Variants in ZNF704 observed in about 807,000 individuals in gnomAD.
ZNF704 encodes zinc finger protein 704, also known as glucocorticoid induced gene 1.
A neutral mutation model predicts 44.7 loss-of-function variants in ZNF704; 10 were observed. The observed-to-expected ratio is 0.22, with a 90% CI of 0.14 to 0.38. The LOEUF (loss-of-function observed/expected upper bound fraction) is 0.38, where lower values mean the gene tolerates loss of function less well. Ranked by LOEUF, ZNF704 falls within the 10% of genes least tolerant of loss-of-function variation. ZNF704 has a pLI of 1.00. For missense variants in ZNF704, 390 were observed against 545.5 expected (o/e 0.71, Z 2.84); for synonymous variants, 211 against 207.6 (o/e 1.02, Z -0.14).
chr8:80,763,003 C>T (rs186500520), intron 2 of ZNF704, among the ~76,000 whole-genome samples: 99 of 152,340 alleles, frequency 6.5e-4, no homozygotes, highest in African/African-American at 2.1e-3. Flanking sequence ...TCATATTCAG[C>T]GCATGCTGAT....
intron 3 of ZNF704, 37 bp from the exon 4 acceptor site, chr8:80,687,495 T>C (rs1818560745): frequency 2.1e-6 from 3 of 1,436,058 alleles, no homozygotes; most frequent in African/African-American, 2.8e-5. Flanking sequence ...CCAGGACCCC[T>C]GCGTGCCCGG....
chr8:80,658,616 T>G (rs779316336), intron 7 of ZNF704: 1 of 152,168 alleles, frequency 6.6e-6, no homozygotes, highest in Non-Finnish European at 1.5e-5. Flanking sequence ...ATTCCCAGAG[T>G]CTTTTCTGGA....
At chr8:80,720,970 G>T (rs1390318141) in intron 2 of ZNF704, among the ~76,000 whole-genome samples, 4 of 152,216 alleles carry the variant, frequency 2.6e-5, no homozygotes, top group African/African-American at 9.6e-5. Context: ...CATCAATGGG[G>T]CCCGCAGAGT....
chr8:80,839,923 A>G (rs1808648404), intron 1 of ZNF704, among the ~76,000 whole-genome samples: 1 of 152,220 alleles, frequency 6.6e-6, no homozygotes, highest in Non-Finnish European at 1.5e-5. Context: ...GTCTGTTAGA[A>G]GCATGACTTG....
chr8:80,774,925 T>C (rs982671414), intron 2 of ZNF704, among the ~76,000 whole-genome samples: 1 of 152,210 alleles, frequency 6.6e-6, no homozygotes, highest in African/African-American at 2.4e-5. Flanking sequence ...TGAAAACCCA[T>C]GAAACTTACT....
At chr8:80,684,156 G>GC (rs751499502) in intron 4 of ZNF704, among the ~76,000 whole-genome samples, 1 of 152,114 alleles carries the variant, frequency 6.6e-6, no homozygotes, top group Non-Finnish European at 1.5e-5. Context: ...AGGTTCTCAG[G>GC]GTAGCAGAGT....
intron 2 of ZNF704, among the ~76,000 whole-genome samples, chr8:80,745,472 G>A (rs754232167): frequency 6.6e-6 from 1 of 152,018 alleles, no homozygotes; most frequent in Non-Finnish European, 1.5e-5. Flanking sequence ...AACTATGAGG[G>A]GGAAATGACA....
the ZNF704 span, among the ~76,000 whole-genome samples, chr8:80,880,958 G>T: frequency 1.3e-5 from 2 of 152,176 alleles, no homozygotes; most frequent in Non-Finnish European, 1.5e-5. Context: ...ACTATTCAGG[G>T]TTACTGAGAG....
At chr8:80,673,390 A>C (rs1257073340) in intron 4 of ZNF704, 1 of 152,206 alleles carries the variant, frequency 6.6e-6, no homozygotes, top group Non-Finnish European at 1.5e-5. Context: ...GGATTGTGAC[A>C]TGAGAATAAA....
chr8:80,665,100 A>G lies in ZNF704; in HGVS notation c.660-18T>C, dbSNP rs1218817076. ...CAACGCGCCTAATGCAAAAGAGAGT[A>G]AAACAATCATACTAAGCCAATCTGT... On this transcript the variant is annotated intron_variant, in intron 5 of 8. Transcript: ENST00000327835. The G allele has an allele frequency of 6.2e-7, 1 of 1,611,980 alleles. No homozygotes were observed. Among genetic ancestry groups the G allele is most frequent in the South Asian group, 1.1e-5 (1 of 91,056 alleles).
chr8:80,874,549 C>T lies in ZNF704; in HGVS notation c.-22+22G>A, dbSNP rs1043221836. ...TCCCCCCGCTCAGACAAAACCCGGACTGGATTTTTTTTTTCTCTTACCCAC... is the reference window on the plus strand; with the variant it reads ...TCCCCCCGCTCAGACAAAACCCGGATTGGATTTTTTTTTTCTCTTACCCAC... On this transcript the variant is annotated intron_variant, in intron 1 of 8. Coordinates refer to ENST00000327835, the MANE Select transcript of ZNF704 (RefSeq NM_001033723.3). The surrounding 1 kb of genome is among the most constrained non-coding windows in gnomAD (Gnocchi z 4.4). The T allele has an allele frequency of 1.3e-5, 2 of 151,942 alleles. No individual in the cohort carries two copies. Among genetic ancestry groups the T allele is most frequent in the African/African-American group, 4.8e-5 (2 of 41,368 alleles). 9.4% of individuals were successfully genotyped at this position (151,942 alleles called of 1,614,324 possible).
At chr8:80,807,529 T>TG (rs970195675) in intron 2 of ZNF704, among the ~76,000 whole-genome samples, 20 of 150,538 alleles carry the variant, frequency 1.3e-4, no homozygotes, top group African/African-American at 4.8e-4. Flanking sequence ...CATTTCTAAT[T>TG]GACCCCCCCC....
chr8:80,818,077 G>T (rs995175233), intron 2 of ZNF704, among the ~76,000 whole-genome samples: 12 of 152,136 alleles, frequency 7.9e-5, no homozygotes, highest in African/African-American at 2.9e-4. Flanking sequence ...GGGGTTCCCA[G>T]ATCTCTCTAG....
intron 2 of ZNF704, among the ~76,000 whole-genome samples, chr8:80,774,285 A>G (rs1241328490): frequency 6.6e-6 from 1 of 151,900 alleles, no homozygotes; most frequent in Non-Finnish European, 1.5e-5. Flanking sequence ...GGTCAGGCTG[A>G]TCCTGAATTC....
At chr8:80,841,028 T>G (rs757595580) in intron 1 of ZNF704, among the ~76,000 whole-genome samples, 18 of 152,114 alleles carry the variant, frequency 1.2e-4, no homozygotes, top group Non-Finnish European at 2.6e-4. Flanking sequence ...CAACTGCACA[T>G]AGCCAGGAGA....
chr8:80,839,275 G>A (rs1808636039), intron 1 of ZNF704, among the ~76,000 whole-genome samples: 1 of 152,174 alleles, frequency 6.6e-6, no homozygotes, highest in Non-Finnish European at 1.5e-5. Context: ...TTTCAGAGCA[G>A]ATTAGAAGCA....
At chr8:80,696,961 C>G (rs1818736325) in intron 2 of ZNF704, among the ~76,000 whole-genome samples, 1 of 152,116 alleles carries the variant, frequency 6.6e-6, no homozygotes, top group Admixed American at 6.5e-5. Context: ...AAGTTTTGGG[C>G]TTTGGAGTGC....
Position 80,643,989 on chromosome 8 carries a change from C to T in ZNF704, c.1033-860G>A, listed in dbSNP as rs527655165. Among the ~76,000 whole-genome samples, 5 of 152,270 alleles carry T rather than the reference C, an allele frequency of 3.3e-5. No individual in the cohort carries two copies. In the South Asian group the frequency reaches 6.2e-4, roughly 19 times the overall value. Reference sequence around the variant, plus strand: ...AAAACACCCCATCAGCAGACTCTCACGTCCCAACAGGAAGGAATAAAGGCA... The same window carrying T: ...AAAACACCCCATCAGCAGACTCTCATGTCCCAACAGGAAGGAATAAAGGCA... On this transcript the variant is annotated intron_variant, in intron 7 of 8. Transcript: ENST00000327835.
At position 80,641,106 on chromosome 8, in the gene ZNF704, T is replaced by C. The variant is rs1443726925; in HGVS notation, c.*260A>G. 6 of 271,296 alleles carry C rather than the reference T, an allele frequency of 2.2e-5. No homozygotes were observed. Among genetic ancestry groups the C allele is most frequent in the East Asian group, 6.6e-5 (1 of 15,096 alleles). The allele number at this position is 271,296 out of a possible 1,614,324, so 16.8% of individuals were successfully genotyped here. ...AAGTCTAGACATACAGCAAAAAAAG[T>C]TGACTTTTCTTTTGAAGGAAAAAAA... On this transcript the variant is annotated 3_prime_UTR_variant, in exon 9 of 9. Coordinates refer to ENST00000327835, the MANE Select transcript of ZNF704 (RefSeq NM_001033723.3).
Sources: gnomAD v4.1 joint callset for allele counts (sites outside exome capture counted in the v4.1 genomes callset) on GRCh38, gnomAD v4.1.1 for gene constraint, Gnocchi (gnomAD v3.1) non-coding constraint, MANE v1.5 for transcripts, NCBI Gene and HGNC (gene_info 2026-07-23, HGNC 2026-07-21) for gene names.